VWA8: variants seen among roughly 807,000 people sequenced by gnomAD.
The protein encoded by VWA8 is von Willebrand factor A domain containing 8, also known as von Willebrand factor A domain-containing protein 8.
A neutral mutation model predicts 241.5 loss-of-function variants in VWA8; 221 were observed. The ratio of observed to expected loss-of-function variants is 0.91; its 90% CI spans 0.82 to 1.02. The LOEUF is 1.02. VWA8 is among the 50% of genes least tolerant of loss of function. The probability of loss-of-function intolerance (pLI) is 0.00; values close to 1 mark genes in which losing one functional copy is unlikely to be tolerated. For synonymous variants in VWA8, 852 were observed against 827.1 expected, an observed-to-expected ratio of 1.03 and a Z score of -0.52; for missense variants, 2,322 against 2,328.7, an observed-to-expected ratio of 1.00 and a Z score of 0.06.
chr13:41,881,922 C>A (rs1464349301), intron 9 of VWA8, among the ~76,000 whole-genome samples: 2 of 150,326 alleles, frequency 1.3e-5, no homozygotes. Flanking sequence ...CACCTCCCTC[C>A]CGGACGGGGT....
intron 17 of VWA8, chr13:41,808,029 A>T (rs1347938883): frequency 6.6e-6 from 1 of 152,262 alleles, no homozygotes; most frequent in Non-Finnish European, 1.5e-5. Context: ...TTCCATGTCA[A>T]ATGAAACAAA....
chr13:41,782,466 T>G lies in VWA8; in HGVS notation c.2277+1329A>C, dbSNP rs571509518. 3.7e-4 allele frequency among the ~76,000 whole-genome samples: 57 copies of G among 152,348 alleles called. 1 individual carries two copies. The South Asian group carries it at 0.012, about 32-fold the overall frequency. ...TTTCCTCATAATCATGTTTTTGCCT[T>G]TGACAGGCAAGTTTTCTTTCTACTT... On this transcript the variant is annotated intron_variant, in intron 19 of 44. Coordinates refer to ENST00000379310, the MANE Select transcript of VWA8 (RefSeq NM_015058.2).
chr13:41,726,320 C>T (rs1458396513), intron 24 of VWA8, among the ~76,000 whole-genome samples: 1 of 152,122 alleles, frequency 6.6e-6, no homozygotes, highest in African/African-American at 2.4e-5. Flanking sequence ...TAGGTAAATT[C>T]CTTGGATAAA....
At chr13:41,768,943 G>T (rs147073035) in intron 20 of VWA8, among the ~76,000 whole-genome samples, 6 of 137,492 alleles carry the variant, frequency 4.4e-5, no homozygotes, top group Non-Finnish European at 7.7e-5. Context: ...TTGCTCTACT[G>T]CCCACGCTGG....
intron 26 of VWA8, among the ~76,000 whole-genome samples, chr13:41,706,266 T>C (rs1241358996): frequency 6.6e-6 from 1 of 152,220 alleles, no homozygotes; most frequent in Non-Finnish European, 1.5e-5. Context: ...TCTGGCTCTA[T>C]ATAAAAATAG....
At chr13:41,622,246 C>T (rs1393169911) in intron 37 of VWA8, among the ~76,000 whole-genome samples, 1 of 152,032 alleles carries the variant, frequency 6.6e-6, no homozygotes, top group East Asian at 1.9e-4. Flanking sequence ...ACAGTCCAAC[C>T]CAGGACAGAA....
intron 2 of VWA8, among the ~76,000 whole-genome samples, chr13:41,929,288 T>C (rs1876996928): frequency 6.6e-6 from 1 of 151,842 alleles, no homozygotes; most frequent in Non-Finnish European, 1.5e-5. Flanking sequence ...CCCAAGTAGC[T>C]GGGGCTACAG....
chr13:41,743,241 G>A (rs2045581274), intron 21 of VWA8, among the ~76,000 whole-genome samples: 1 of 152,196 alleles, frequency 6.6e-6, no homozygotes, highest in Admixed American at 6.5e-5. Context: ...TGTAAGGCAT[G>A]GAAAGGAGAG....
In VWA8 at chr13:41,748,100, A is replaced by T. The variant is rs1210756896; in HGVS notation, c.2426+13028T>A. ...TCTGCCAGGCTTTGGTATCAGGATG[A>T]TGCTGGCCTCATAAAATGAATTAGG... is the stretch of plus-strand genomic sequence containing the variant. On this transcript the variant is annotated intron_variant, in intron 21 of 44. Coordinates refer to ENST00000379310, the MANE Select transcript of VWA8 (RefSeq NM_015058.2). 2.6e-5 allele frequency among the ~76,000 whole-genome samples: 4 copies of T among 152,202 alleles called. 1 individual carries two copies. Among genetic ancestry groups the T allele is most frequent in the Admixed American group, 2.6e-4 (4 of 15,278 alleles).
chr13:41,597,567 G>T (rs913109134), intron 40 of VWA8, among the ~76,000 whole-genome samples: 4 of 152,048 alleles, frequency 2.6e-5, no homozygotes, highest in African/African-American at 9.7e-5. Context: ...TTCTTGGATG[G>T]TGATGTGGAA....
chr13:41,857,769 T>C (rs185941618), intron 12 of VWA8, among the ~76,000 whole-genome samples: 1 of 152,330 alleles, frequency 6.6e-6, no homozygotes, highest in East Asian at 1.9e-4. Flanking sequence ...GTTAATTTTA[T>C]GTGTCAACTT....
chr13:41,656,626 G>C (rs757849014), intron 37 of VWA8, among the ~76,000 whole-genome samples: 2 of 151,986 alleles, frequency 1.3e-5, no homozygotes, highest in Non-Finnish European at 2.9e-5. Context: ...TTCATCCAAG[G>C]AATTAAATGG....
chr13:41,879,044 A>G (rs1443241332), intron 9 of VWA8, among the ~76,000 whole-genome samples: 1 of 152,102 alleles, frequency 6.6e-6, no homozygotes, highest in Non-Finnish European at 1.5e-5. Flanking sequence ...CTTGTTCCCA[A>G]GGCACTGCAC....
intron 8 of VWA8, among the ~76,000 whole-genome samples, chr13:41,883,724 C>T (rs1371952627): frequency 6.6e-6 from 1 of 152,142 alleles, no homozygotes; most frequent in Non-Finnish European, 1.5e-5. Context: ...GTATTGATGG[C>T]TCCCACACTT....
At chr13:41,606,282 T>A (rs981091216) in intron 39 of VWA8, among the ~76,000 whole-genome samples, 3 of 152,066 alleles carry the variant, frequency 2.0e-5, no homozygotes, top group Non-Finnish European at 4.4e-5. Context: ...ACCTAACATA[T>A]AATGGGTGCT....
intron 17 of VWA8, among the ~76,000 whole-genome samples, chr13:41,794,723 G>A (rs1034280242): frequency 2.0e-5 from 3 of 152,072 alleles, no homozygotes; most frequent in African/African-American, 7.2e-5. Context: ...GTTTTCAAGG[G>A]GAATGCTTCC....
At chr13:41,845,464 G>C (rs1264506433) in intron 12 of VWA8, among the ~76,000 whole-genome samples, 3 of 151,778 alleles carry the variant, frequency 2.0e-5, no homozygotes, top group East Asian at 3.9e-4. Context: ...CCTATTACTG[G>C]GTATATGCCC....
intron 37 of VWA8, among the ~76,000 whole-genome samples, chr13:41,640,402 C>G (rs1164263083): frequency 6.6e-6 from 1 of 152,160 alleles, no homozygotes; most frequent in Non-Finnish European, 1.5e-5. Context: ...TTACATAAAC[C>G]AAGATGCAAT....
At chr13:41,571,230 A>C (rs1327759655) in intron 43 of VWA8, among the ~76,000 whole-genome samples, 1 of 151,840 alleles carries the variant, frequency 6.6e-6, no homozygotes, top group Non-Finnish European at 1.5e-5. Flanking sequence ...AAAAGCGGTC[A>C]TTCTGCTTAC....
Sources: allele counts gnomAD v4.1 joint callset (sites outside exome capture counted in the v4.1 genomes callset), GRCh38; gene constraint gnomAD v4.1.1; transcripts MANE v1.5; gene names NCBI Gene and HGNC (gene_info 2026-07-23, HGNC 2026-07-21).